The following ABCC4 variants were observed in gnomAD, a reference collection of about 807,000 sequenced individuals.
ABCC4 encodes ATP-binding cassette sub-family C member 4.
In ABCC4, 102 loss-of-function variants were observed where a neutral mutation model predicts 168.5. The observed-to-expected ratio is 0.61, with a 90% confidence interval of 0.52 to 0.71. ABCC4 has a LOEUF of 0.71. Among genes scored for constraint, ABCC4 ranks in the 30% least tolerant of loss-of-function variants. The probability of loss-of-function intolerance (pLI) is 0.00; values close to 1 mark genes in which losing one functional copy is unlikely to be tolerated. For synonymous variants in ABCC4, 617 were observed against 590.7 expected (o/e 1.04, Z -0.65); for missense variants, 1,402 against 1,605.8 (o/e 0.87, Z 2.17).
chr13:95,093,836 G>A (rs1293978284), intron 20 of ABCC4, among the ~76,000 whole-genome samples: 1 of 152,124 alleles, frequency 6.6e-6, no homozygotes, highest in Non-Finnish European at 1.5e-5. Flanking sequence ...CCAGATATAA[G>A]ATTAATGTAC....
At chr13:95,183,845 C>T (rs761609546) in intron 11 of ABCC4, among the ~76,000 whole-genome samples, 1 of 151,948 alleles carries the variant, frequency 6.6e-6, no homozygotes, top group Non-Finnish European at 1.5e-5. Flanking sequence ...GCCTGGGAGG[C>T]GGAGGTTGCA....
chr13:95,095,338 CT>C (rs2034560089), intron 20 of ABCC4, among the ~76,000 whole-genome samples: 1 of 149,352 alleles, frequency 6.7e-6, no homozygotes, highest in African/African-American at 2.5e-5. Context: ...ATCTATCTAT[CT>C]GATGGAATAC....
At chr13:95,265,676 G>A (rs1031673704) in intron 1 of ABCC4, among the ~76,000 whole-genome samples, 1 of 152,066 alleles carries the variant, frequency 6.6e-6, no homozygotes. Context: ...CATGCACCCA[G>A]ACACAGAACT....
intron 24 of ABCC4, 70 bp downstream of exon 24, chr13:95,073,134 T>C (rs2033788528): frequency 2.4e-6 from 3 of 1,268,658 alleles, no homozygotes; most frequent in Middle Eastern, 2.2e-4. Context: ...ATATTTCACA[T>C]AAGAATGGCT....
At position 95,044,324 on chromosome 13, in the gene ABCC4, T is replaced by C; in HGVS notation, c.3571A>G (p.Ile1191Val). 2 of 1,613,794 alleles carry C rather than the reference T, an allele frequency of 1.2e-6. No individual in the cohort carries two copies. The highest frequency in any genetic ancestry group is 1.7e-6 in the Non-Finnish European group (2 of 1,179,900). ...QRQLVCLARA[I>V]LRKNQILIID... ...ATCAATATCTGATTTTTCCTGAGAA[T>C]TGCCCTGGCAAGGCACACCAGTTGT... Residue 1191 changes from isoleucine to valine, a missense_variant, in exon 28 of 31, where the codon ATT (isoleucine) becomes GTT (valine). Coordinates refer to ENST00000645237, the MANE Select transcript of ABCC4 (RefSeq NM_005845.5).
intron 4 of ABCC4, among the ~76,000 whole-genome samples, chr13:95,229,016 C>T (rs7324706): frequency 0.76 from 115,915 of 152,042 alleles, 44,693 homozygotes; most frequent in Non-Finnish European, 0.84. Flanking sequence ...CTGGATGGAG[C>T]ATCCAAGAGA....
chr13:95,196,646 A>AGGG (rs2038444021), intron 8 of ABCC4, among the ~76,000 whole-genome samples: 1 of 35,610 alleles, frequency 2.8e-5, no homozygotes, highest in Non-Finnish European at 4.9e-5. Flanking sequence ...GGAAGGAAGG[A>AGGG]AGGAAGGAAG....
chr13:95,061,113 T>C (rs1008459883), intron 26 of ABCC4, among the ~76,000 whole-genome samples: 2 of 152,274 alleles, frequency 1.3e-5, no homozygotes, highest in African/African-American at 2.4e-5. Context: ...TCCCATTGTA[T>C]GGATAGACCA....
intron 6 of ABCC4, among the ~76,000 whole-genome samples, chr13:95,208,424 G>C (rs1247249342): frequency 6.6e-6 from 1 of 151,628 alleles, no homozygotes; most frequent in African/African-American, 2.4e-5. Flanking sequence ...GCAAAGAGGG[G>C]AAGGTCCAAG....
intron 1 of ABCC4, among the ~76,000 whole-genome samples, chr13:95,256,311 T>C (rs918860720): frequency 3.9e-5 from 6 of 152,336 alleles, no homozygotes; most frequent in South Asian, 2.1e-4. Flanking sequence ...GCATTGTTCA[T>C]TGCAACTAGC....
At chr13:95,280,905 T>C (rs762352546) in intron 1 of ABCC4, among the ~76,000 whole-genome samples, 18 of 152,038 alleles carry the variant, frequency 1.2e-4, no homozygotes, top group Non-Finnish European at 2.4e-4. Flanking sequence ...AATGGACCAA[T>C]TTTCTCTTTA....
At position 95,206,630 on chromosome 13, in the gene ABCC4, C is replaced by T. The variant is rs770400265; in HGVS notation, c.1063G>A (p.Val355Met). The change falls in exon 8 of 31, where the codon GTG becomes ATG. Residue 355 changes from valine (V) to methionine (M), a missense_variant. Physicochemically the swap from Val to Met is conservative, Grantham distance 21. Coordinates refer to ENST00000645237, the MANE Select transcript of ABCC4 (RefSeq NM_005845.5). ...AGCCGCACAGCCCCATACAGCGTCA[C>T]TGCCACGAACACGCGGCTGGCTGTG... ...VITASRVFVA[V>M]TLYGAVRLTV... 2.5e-6 allele frequency: 4 copies of T among 1,614,204 alleles called. No homozygotes were observed. Among genetic ancestry groups the T allele is most frequent in the Non-Finnish European group, 3.4e-6 (4 of 1,180,036 alleles).
chr13:95,178,292 T>C (rs2037776494), intron 11 of ABCC4, among the ~76,000 whole-genome samples: 1 of 152,186 alleles, frequency 6.6e-6, no homozygotes, highest in Non-Finnish European at 1.5e-5. Flanking sequence ...TCAGGGCACG[T>C]TATCTATTTT....
intron 8 of ABCC4, among the ~76,000 whole-genome samples, chr13:95,195,989 A>G (rs2038404711): frequency 6.6e-6 from 1 of 152,138 alleles, no homozygotes; most frequent in Non-Finnish European, 1.5e-5. Flanking sequence ...GAACGGACCA[A>G]TCTCTCGCTT....
At chr13:95,223,848 T>G (rs1332875114) in intron 4 of ABCC4, among the ~76,000 whole-genome samples, 2 of 151,874 alleles carry the variant, frequency 1.3e-5, no homozygotes, top group Non-Finnish European at 2.9e-5. Context: ...GCTGCAATAC[T>G]GAAATGAGAA....
rs1359308934 is a variant in ABCC4, at chr13:95,083,132, A to G, written c.2686+8T>C. The G allele has an allele frequency of 4.7e-5, 76 of 1,613,378 alleles. No homozygotes were observed. The highest frequency in any genetic ancestry group is 6.2e-5 in the Non-Finnish European group (73 of 1,179,698). ...CATGTCTATACCAACCCGAGTTTCC[A>G]TACTCACTTGTAGATTCCAGGCGCT... is the stretch of plus-strand genomic sequence containing the variant. On this transcript the variant is annotated splice_region_variant and intron_variant, in intron 21 of 30. Transcript: ENST00000645237.
intron 27 of ABCC4, among the ~76,000 whole-genome samples, chr13:95,044,697 G>A (rs1050380294): frequency 3.3e-5 from 5 of 152,184 alleles, no homozygotes; most frequent in African/African-American, 9.7e-5. Context: ...AACACAGTCT[G>A]TTCATGCAGG....
At chr13:95,204,594 A>C (rs1475956476) in intron 8 of ABCC4, among the ~76,000 whole-genome samples, 1 of 152,178 alleles carries the variant, frequency 6.6e-6, no homozygotes, top group Non-Finnish European at 1.5e-5. Flanking sequence ...GAGTTTCCTG[A>C]GGTCTCCCCA....
intron 8 of ABCC4, among the ~76,000 whole-genome samples, chr13:95,200,051 T>G (rs2139658033): frequency 6.6e-6 from 1 of 152,320 alleles, no homozygotes; most frequent in Middle Eastern, 3.4e-3. Context: ...ACATGAGCAC[T>G]GATTTTAATT....
Sources: allele counts gnomAD v4.1 joint callset (sites outside exome capture counted in the v4.1 genomes callset), GRCh38; gene constraint gnomAD v4.1.1; transcripts MANE v1.5; gene names NCBI Gene and HGNC (gene_info 2026-07-23, HGNC 2026-07-21).